Variants in PTPRA observed in about 807,000 individuals in gnomAD.
PTPRA encodes receptor-type tyrosine-protein phosphatase alpha.
In PTPRA, 25 loss-of-function variants were observed where a neutral mutation model predicts 104.8. The observed-to-expected ratio is 0.24, with a 90% CI of 0.17 to 0.33. PTPRA has a LOEUF of 0.33. Ranked by LOEUF, PTPRA falls within the 10% of genes least tolerant of loss-of-function variation. PTPRA has a pLI of 1.00. For missense variants in PTPRA, 765 were observed against 1,015.3 expected, an observed-to-expected ratio of 0.75 and a Z score of 3.35; for synonymous variants, 323 against 368.9, an observed-to-expected ratio of 0.88 and a Z score of 1.43.
chr20:3,015,942 G>GT (rs2064424374), intron 12 of PTPRA, 57 bp downstream of exon 12: 46 of 1,483,850 alleles, frequency 3.1e-5, no homozygotes, highest in African/African-American at 4.2e-5. Flanking sequence ...TAATGGGTTT[G>GT]GTTTTTTTCT....
chr20:2,880,491 A>G (rs891352406), intron 1 of PTPRA, among the ~76,000 whole-genome samples: 1 of 152,200 alleles, frequency 6.6e-6, no homozygotes, highest in African/African-American at 2.4e-5. Context: ...TCATTGAACT[A>G]GCCTTTACAA....
intron 1 of PTPRA, among the ~76,000 whole-genome samples, chr20:2,919,364 G>T (rs549772071): frequency 6.6e-6 from 1 of 152,036 alleles, no homozygotes; most frequent in Admixed American, 6.6e-5. Context: ...AAAAAGAAAC[G>T]GATGCCTTAG....
intron 6 of PTPRA, among the ~76,000 whole-genome samples, chr20:2,986,073 AT>A (rs1319347993): frequency 6.6e-5 from 10 of 151,846 alleles, no homozygotes; most frequent in Non-Finnish European, 1.3e-4. Context: ...CACACCGGCT[AT>A]TTTTTTAATT....
chr20:2,898,099 A>AT (rs1026146054), intron 1 of PTPRA, among the ~76,000 whole-genome samples: 4 of 140,834 alleles, frequency 2.8e-5, no homozygotes, highest in Admixed American at 2.1e-4. Context: ...TTTTGTTTTT[A>AT]TTTTTTTTAT....
chr20:3,025,656 G>C (rs574453543), intron 17 of PTPRA, among the ~76,000 whole-genome samples: 37 of 151,384 alleles, frequency 2.4e-4, no homozygotes, highest in Non-Finnish European at 4.0e-4. Context: ...GATCACCTGA[G>C]CTCAGGAGTT....
At chr20:3,031,390 G>A (rs927378241) in intron 20 of PTPRA, among the ~76,000 whole-genome samples, 1 of 151,796 alleles carries the variant, frequency 6.6e-6, no homozygotes, top group African/African-American at 2.4e-5. Flanking sequence ...TTCTTCTACT[G>A]GTCTTGAATC....
intron 20 of PTPRA, among the ~76,000 whole-genome samples, chr20:3,033,736 T>C (rs2065646226): frequency 6.6e-6 from 1 of 151,782 alleles, no homozygotes; most frequent in African/African-American, 2.4e-5. Context: ...ACCCCGTCTC[T>C]ACTAAAAATA....
intron 9 of PTPRA, among the ~76,000 whole-genome samples, chr20:2,999,036 G>A (rs979114696): frequency 5.3e-5 from 8 of 151,676 alleles, no homozygotes; most frequent in Non-Finnish European, 8.8e-5. Flanking sequence ...TAGCAAGGTT[G>A]CTAGATACAG....
chr20:3,037,869 C>G lies in PTPRA; in HGVS notation c.2335-190C>G, dbSNP rs1351456693. Among the ~76,000 whole-genome samples, 1 of 152,334 alleles carries G rather than the reference C, an allele frequency of 6.6e-6. No individual in the cohort carries two copies. The highest frequency in any genetic ancestry group is 2.4e-5 in the African/African-American group (1 of 41,568). ...CTGGTCAGCTCTGCTTGTAGAAGGT[C>G]TGCTGCATTCAGCCCGGAAGGGGAA... On this transcript the variant is annotated intron_variant, in intron 23 of 23. Transcript: ENST00000399903. The surrounding 1 kb of genome is among the most constrained non-coding windows in gnomAD (Gnocchi z 4.3).
At chr20:2,896,323 GA>G (rs1473323960) in intron 1 of PTPRA, among the ~76,000 whole-genome samples, 1 of 152,208 alleles carries the variant, frequency 6.6e-6, no homozygotes, top group Admixed American at 6.5e-5. Flanking sequence ...AGGTTGCAGT[GA>G]GCCGAGATAG....
At chr20:2,941,792 G>A (rs560113113) in intron 2 of PTPRA, among the ~76,000 whole-genome samples, 8 of 152,060 alleles carry the variant, frequency 5.3e-5, no homozygotes, top group Non-Finnish European at 1.2e-4. Context: ...GGAGTTCCCT[G>A]CCCTCCTTAA....
At chr20:2,921,755 G>A (rs1285255738) in intron 1 of PTPRA, among the ~76,000 whole-genome samples, 1 of 152,100 alleles carries the variant, frequency 6.6e-6, no homozygotes, top group East Asian at 1.9e-4. Flanking sequence ...ACATGTTTGG[G>A]TATAGGGAGC....
intron 12 of PTPRA, among the ~76,000 whole-genome samples, chr20:3,016,829 G>A (rs908519742): frequency 2.0e-5 from 3 of 152,120 alleles, no homozygotes; most frequent in Admixed American, 1.3e-4. Context: ...TGCCCCTGGG[G>A]CAACCATTTT....
Position 2,988,048 on chromosome 20 carries a change from C to G in PTPRA, c.544C>G (p.Gln182Glu). ...LYMLRFKKYK[Q>E]AGSHSNSFRL... ...TCTCATTAGGTTTAAGAAATACAAG[C>G]AAGCTGGGAGCCATTCCAATTCTTT... is the stretch of plus-strand genomic sequence containing the variant. Residue 182 changes from glutamine (Q) to glutamate (E), a missense_variant, in exon 8 of 24, where the codon CAA becomes GAA. Physicochemically the swap from Gln to Glu is conservative, Grantham distance 29 (BLOSUM62 2). Coordinates refer to ENST00000399903, the MANE Select transcript of PTPRA (RefSeq NM_001385305.1). 1 of 1,583,782 alleles carries G rather than the reference C, an allele frequency of 6.3e-7. No individual in the cohort carries two copies. The highest frequency in any genetic ancestry group is 8.7e-7 in the Non-Finnish European group (1 of 1,152,410).
At chr20:2,942,590 A>G (rs1411579661) in intron 2 of PTPRA, among the ~76,000 whole-genome samples, 1 of 152,032 alleles carries the variant, frequency 6.6e-6, no homozygotes, top group Non-Finnish European at 1.5e-5. Flanking sequence ...TGAATAGAAC[A>G]AAAGGCTGAC....
In PTPRA at chr20:3,033,299, G is replaced by T. The variant is rs538131116; in HGVS notation, c.1921-2286G>T. On this transcript the variant is annotated intron_variant, in intron 20 of 23. Coordinates refer to ENST00000399903, the MANE Select transcript of PTPRA (RefSeq NM_001385305.1). ...AAATAGTACCACCTTCTGCCCAGTT[G>T]CTCATGTCTAAAATCCGGGAGTTAC... 5.8e-4 allele frequency among the ~76,000 whole-genome samples: 88 copies of T among 151,910 alleles called. 1 individual carries two copies. Among genetic ancestry groups the T allele is most frequent in the African/African-American group, 2.0e-3 (84 of 41,460 alleles).
chr20:2,916,963 T>TC (rs1189342830), intron 1 of PTPRA, among the ~76,000 whole-genome samples: 1 of 148,594 alleles, frequency 6.7e-6, no homozygotes, highest in Non-Finnish European at 1.5e-5. Context: ...TTATTTCTTT[T>TC]TTTTTTTTTT....
At position 3,022,048 on chromosome 20, in the gene PTPRA, T is replaced by C. The variant is rs771973819; in HGVS notation, c.1162-6T>C. On this transcript the variant is annotated splice_region_variant and splice_polypyrimidine_tract_variant and intron_variant, in intron 14 of 23. Transcript: ENST00000399903. The surrounding 1 kb of genome is among the most constrained non-coding windows in gnomAD (Gnocchi z 4.6). ...GGCCAACACACAGGATCTCCTCACT[T>C]CACAGGTGGGCGACATGACCAACAG... 3 of 1,613,908 alleles carry C rather than the reference T, an allele frequency of 1.9e-6. No individual in the cohort carries two copies. In the African/African-American group the frequency reaches 4.0e-5, roughly 22 times the overall value.
chr20:2,976,273 A>G (rs547145794), intron 6 of PTPRA, among the ~76,000 whole-genome samples: 1 of 152,356 alleles, frequency 6.6e-6, no homozygotes, highest in African/African-American at 2.4e-5. Flanking sequence ...AGACTTAAAT[A>G]GGTTTTATTG....
Sources: gnomAD v4.1 joint callset for allele counts (sites outside exome capture counted in the v4.1 genomes callset) on GRCh38, gnomAD v4.1.1 for gene constraint, Gnocchi (gnomAD v3.1) non-coding constraint, MANE v1.5 for transcripts, NCBI Gene and HGNC (gene_info 2026-07-23, HGNC 2026-07-21) for gene names.